MSRA: variants seen among roughly 807,000 people sequenced by gnomAD.
MSRA encodes mitochondrial peptide methionine sulfoxide reductase.
A neutral mutation model predicts 31.3 loss-of-function variants in MSRA; 54 were observed. The ratio of observed to expected loss-of-function variants is 1.73; its 90% CI spans 1.39 to 2.17. MSRA has a LOEUF of 2.17. Among genes scored for constraint, MSRA ranks in the 30% most tolerant of loss-of-function variants. MSRA has a pLI of 0.00. For synonymous variants in MSRA, 169 were observed against 116.5 expected (o/e 1.45, Z -2.90); for missense variants, 507 against 300.9 (o/e 1.69, Z -5.07).
chr8:10,293,992 T>G (rs538227031), intron 3 of MSRA, among the ~76,000 whole-genome samples: 1 of 152,090 alleles, frequency 6.6e-6, no homozygotes, highest in East Asian at 1.9e-4. Context: ...TCACCTGAGG[T>G]TAGGAGTTTG....
intron 1 of MSRA, among the ~76,000 whole-genome samples, chr8:10,149,054 C>G (rs1803417223): frequency 6.6e-6 from 1 of 151,134 alleles, no homozygotes; most frequent in Non-Finnish European, 1.5e-5. Flanking sequence ...CTCCCAGGTT[C>G]CAGTGATTGT....
At chr8:10,277,799 A>C (rs568974784) in intron 3 of MSRA, among the ~76,000 whole-genome samples, 51 of 152,288 alleles carry the variant, frequency 3.3e-4, no homozygotes, top group African/African-American at 1.2e-3. Flanking sequence ...GAGGTAATGC[A>C]TATGCTCATT....
intron 5 of MSRA, among the ~76,000 whole-genome samples, chr8:10,357,407 T>A (rs1804570720): frequency 6.6e-6 from 1 of 152,224 alleles, no homozygotes; most frequent in Non-Finnish European, 1.5e-5. Flanking sequence ...TCCTTAAGAC[T>A]GAACCAATTA....
intron 1 of MSRA, among the ~76,000 whole-genome samples, chr8:10,092,342 A>T (rs937046129): frequency 2.6e-5 from 4 of 152,132 alleles, no homozygotes; most frequent in African/African-American, 9.7e-5. Flanking sequence ...TGCCTGCTGG[A>T]GGATGTTCCA....
intron 1 of MSRA, among the ~76,000 whole-genome samples, chr8:10,200,502 C>G (rs1235898958): frequency 6.6e-6 from 1 of 152,152 alleles, no homozygotes; most frequent in Admixed American, 6.5e-5. Context: ...GGGGGACTCC[C>G]TGCCTTGCTG....
At chr8:10,369,884 G>GGAACA (rs1805382374) in intron 5 of MSRA, among the ~76,000 whole-genome samples, 2 of 152,124 alleles carry the variant, frequency 1.3e-5, no homozygotes, top group South Asian at 2.1e-4. Flanking sequence ...AGATAAAAGA[G>GGAACA]GAACAATCAT....
At chr8:10,096,407 T>C (rs1213561178) in intron 1 of MSRA, 11 of 478,542 alleles carry the variant, frequency 2.3e-5, no homozygotes, top group Non-Finnish European at 3.0e-5. Flanking sequence ...AAGAGATGTA[T>C]GCGATTAGTG....
At chr8:10,081,218 A>C (rs1798277032) in intron 1 of MSRA, among the ~76,000 whole-genome samples, 1 of 152,158 alleles carries the variant, frequency 6.6e-6, no homozygotes, top group African/African-American at 2.4e-5. Flanking sequence ...GGCTGATTCC[A>C]CGTGGAGGGG....
intron 1 of MSRA, among the ~76,000 whole-genome samples, chr8:10,126,270 A>G (rs935569358): frequency 1.3e-5 from 2 of 152,174 alleles, no homozygotes; most frequent in African/African-American, 4.8e-5. Context: ...TTCTTTTTTA[A>G]ATACCGTATT....
At chr8:10,183,884 AGGTGGTGTT>A (rs1806779041) in intron 1 of MSRA, among the ~76,000 whole-genome samples, 1 of 137,254 alleles carries the variant, frequency 7.3e-6, no homozygotes, top group Admixed American at 7.5e-5. Flanking sequence ...TTGTTGGTAT[AGGTGGTGTT>A]GGTGGTGGTA....
chr8:10,191,077 T>C (rs1807466068), intron 1 of MSRA, among the ~76,000 whole-genome samples: 1 of 152,142 alleles, frequency 6.6e-6, no homozygotes, highest in African/African-American at 2.4e-5. Flanking sequence ...AGACTAGAGG[T>C]CCTATAACCT....
At chr8:10,217,273 C>G (rs1032923223) in intron 2 of MSRA, among the ~76,000 whole-genome samples, 1 of 152,182 alleles carries the variant, frequency 6.6e-6, no homozygotes, top group South Asian at 2.1e-4. Flanking sequence ...TGATGGCACC[C>G]TAGGAGTGAG....
At chr8:10,308,077 C>G (rs529147282) in intron 4 of MSRA, among the ~76,000 whole-genome samples, 18 of 152,296 alleles carry the variant, frequency 1.2e-4, no homozygotes, top group African/African-American at 4.3e-4. Flanking sequence ...GAGCCTGACC[C>G]TTGTGCTGCT....
chr8:10,402,207 T>TC (rs1807509097), intron 5 of MSRA, among the ~76,000 whole-genome samples: 1 of 152,160 alleles, frequency 6.6e-6, no homozygotes, highest in Non-Finnish European at 1.5e-5. Context: ...CAGGGATTCA[T>TC]CCCCTCCCAC....
chr8:10,298,781 C>T (rs918907909), intron 3 of MSRA, among the ~76,000 whole-genome samples: 38 of 152,106 alleles, frequency 2.5e-4, no homozygotes, highest in Admixed American at 6.6e-5. Flanking sequence ...TATGAGTATA[C>T]CACGTTTGTT....
At chr8:10,252,727 A>G (rs1283951956) in intron 3 of MSRA, among the ~76,000 whole-genome samples, 1 of 152,218 alleles carries the variant, frequency 6.6e-6, no homozygotes, top group Admixed American at 6.5e-5. Flanking sequence ...TGGGCTGCAG[A>G]CCTTACATAT....
At chr8:10,149,901 G>GTTT (rs1364235344) in intron 1 of MSRA, among the ~76,000 whole-genome samples, 7 of 5,898 alleles carry the variant, frequency 1.2e-3, no homozygotes, top group African/African-American at 1.5e-3. Flanking sequence ...CACTAAGGTG[G>GTTT]TTTTTTTTTT....
intron 1 of MSRA, among the ~76,000 whole-genome samples, chr8:10,106,162 G>T (rs1799867383): frequency 6.6e-6 from 1 of 152,200 alleles, no homozygotes; most frequent in South Asian, 2.1e-4. Context: ...GAGTGGGCTT[G>T]CAAACCCAAA....
chr8:10,123,605 C>T (rs527758593), intron 1 of MSRA, among the ~76,000 whole-genome samples: 3 of 152,216 alleles, frequency 2.0e-5, no homozygotes, highest in Admixed American at 2.0e-4. Flanking sequence ...TTCCTATGTT[C>T]AGGGCAGTAT....
Sources: gnomAD v4.1 joint callset for allele counts (sites outside exome capture counted in the v4.1 genomes callset) on GRCh38, gnomAD v4.1.1 for gene constraint, MANE v1.5 for transcripts, NCBI Gene and HGNC (gene_info 2026-07-23, HGNC 2026-07-21) for gene names.